AKAP13: variants seen among roughly 807,000 people sequenced by gnomAD.
AKAP13 encodes the protein A-kinase anchoring protein 13.
AKAP13 carries 80 observed loss-of-function variants against 264.5 expected under a neutral mutation model. The observed-to-expected ratio is 0.30, with a 90% CI of 0.25 to 0.36. The LOEUF (loss-of-function observed/expected upper bound fraction) is 0.36. Among genes scored for constraint, AKAP13 ranks in the 10% least tolerant of loss-of-function variants. The pLI is 1.00. For missense variants in AKAP13, 3,712 were observed against 3,435.2 expected, an observed-to-expected ratio of 1.08 and a Z score of -2.01; for synonymous variants, 1,380 against 1,250.2, an observed-to-expected ratio of 1.10 and a Z score of -2.19.
chr15:85,693,537 T>G, intron 17 of AKAP13, 86 bp downstream of exon 17: 6 of 1,564,478 alleles, frequency 3.8e-6, no homozygotes, highest in Non-Finnish European at 4.3e-6. Flanking sequence ...CCACTCATTA[T>G]CTGTTCCTCA....
intron 1 of AKAP13, among the ~76,000 whole-genome samples, chr15:85,473,600 C>G (rs528369665): frequency 1.8e-4 from 27 of 152,294 alleles, no homozygotes; most frequent in African/African-American, 6.0e-4. Context: ...TCAGACTGAT[C>G]TGAAAAACCA....
At chr15:85,433,810 G>A (rs892335776) in intron 1 of AKAP13, among the ~76,000 whole-genome samples, 3 of 152,042 alleles carry the variant, frequency 2.0e-5, no homozygotes, top group East Asian at 1.9e-4. Context: ...GCATGGTGGC[G>A]CGTGCCTGTA....
intron 1 of AKAP13, among the ~76,000 whole-genome samples, chr15:85,390,237 A>G (rs1349026486): frequency 6.6e-6 from 1 of 152,220 alleles, no homozygotes; most frequent in East Asian, 1.9e-4. Context: ...CGAGTGAACA[A>G]ACAATTGCAG....
chr15:85,415,644 C>G, intron 1 of AKAP13: 1 of 1,394,800 alleles, frequency 7.2e-7, no homozygotes, highest in South Asian at 1.2e-5. Flanking sequence ...AAAATTCCAT[C>G]ATCACTTTGG....
At chr15:85,571,245 G>A (rs944141836) in intron 5 of AKAP13, among the ~76,000 whole-genome samples, 2 of 147,854 alleles carry the variant, frequency 1.4e-5, no homozygotes, top group African/African-American at 5.0e-5. Context: ...ATATTTGTGC[G>A]TTTTACAGAC....
At chr15:85,604,406 G>T (rs985085427) in intron 8 of AKAP13, among the ~76,000 whole-genome samples, 2 of 151,414 alleles carry the variant, frequency 1.3e-5, no homozygotes, top group African/African-American at 4.9e-5. Flanking sequence ...TGTCTGTATA[G>T]AATTTGGATA....
At chr15:85,402,934 T>C (rs2071492771) in intron 1 of AKAP13, among the ~76,000 whole-genome samples, 1 of 152,252 alleles carries the variant, frequency 6.6e-6, no homozygotes, top group African/African-American at 2.4e-5. Flanking sequence ...GAGACGTTTT[T>C]AATAGCACCG....
At chr15:85,451,002 G>A (rs539480649) in intron 1 of AKAP13, among the ~76,000 whole-genome samples, 1 of 152,212 alleles carries the variant, frequency 6.6e-6, no homozygotes, top group East Asian at 1.9e-4. Context: ...CTCTTTGTAG[G>A]TCTCTAAGAA....
chr15:85,583,044 C>A (rs4842891), intron 7 of AKAP13: 627,342 of 985,134 alleles, frequency 0.64, 200,140 homozygotes, highest in Middle Eastern at 0.68. Context: ...AAACGGGAGT[C>A]GGACACGATC....
At chr15:85,526,140 A>G (rs1411159498) in intron 3 of AKAP13, among the ~76,000 whole-genome samples, 1 of 152,230 alleles carries the variant, frequency 6.6e-6, no homozygotes, top group Non-Finnish European at 1.5e-5. Flanking sequence ...TGTCATTAAA[A>G]AAGAATAATA....
At chr15:85,561,867 C>A (rs1647481910) in intron 5 of AKAP13, among the ~76,000 whole-genome samples, 1 of 152,158 alleles carries the variant, frequency 6.6e-6, no homozygotes, top group Non-Finnish European at 1.5e-5. Context: ...ACGCAATGAT[C>A]TAGAACTTGC....
chr15:85,475,333 C>T (rs1180929081), intron 1 of AKAP13, among the ~76,000 whole-genome samples: 1 of 152,156 alleles, frequency 6.6e-6, no homozygotes, highest in Non-Finnish European at 1.5e-5. Flanking sequence ...TTATGGTTCC[C>T]GTTTCCTTTG....
chr15:85,659,850 G>T lies in AKAP13; in HGVS notation c.4799+1260G>T, dbSNP rs142944935. Among the ~76,000 whole-genome samples, 622 of 152,214 alleles carry T rather than the reference G, an allele frequency of 4.1e-3. 2 individuals carry two copies. Among genetic ancestry groups the T allele is most frequent in the Non-Finnish European group, 7.1e-3 (484 of 68,010 alleles). On this transcript the variant is annotated intron_variant, in intron 12 of 36. Transcript: ENST00000394518. ...GAAACATTACAACAGGTATTATAAG[G>T]CAGGAGGAGGGACATTTGTTGTTTT...
chr15:85,502,890 TTAAG>T (rs1438240502), intron 2 of AKAP13, among the ~76,000 whole-genome samples: 2 of 152,232 alleles, frequency 1.3e-5, no homozygotes, highest in African/African-American at 2.4e-5. Flanking sequence ...TCACCTATTA[TTAAG>T]TAAAACCAAA....
At chr15:85,706,540 C>G (rs1279581759) in intron 17 of AKAP13, among the ~76,000 whole-genome samples, 1 of 152,184 alleles carries the variant, frequency 6.6e-6, no homozygotes, top group East Asian at 1.9e-4. Context: ...TACATACATG[C>G]AGAGCCAGGA....
intron 16 of AKAP13, among the ~76,000 whole-genome samples, chr15:85,688,622 T>G (rs1202182770): frequency 1.3e-5 from 2 of 152,218 alleles, no homozygotes. Flanking sequence ...TAAACAGTTC[T>G]TAAACATGTC....
chr15:85,563,831 G>T (rs1232065558), intron 5 of AKAP13, among the ~76,000 whole-genome samples: 3 of 152,112 alleles, frequency 2.0e-5, no homozygotes, highest in Non-Finnish European at 4.4e-5. Flanking sequence ...AACTTTCTTT[G>T]CTTTTTCACA....
At chr15:85,512,329 G>A (rs1263666084) in intron 2 of AKAP13, among the ~76,000 whole-genome samples, 1 of 152,128 alleles carries the variant, frequency 6.6e-6, no homozygotes, top group Non-Finnish European at 1.5e-5. Flanking sequence ...TGGGTTTACC[G>A]TGAGTGTAAG....
At chr15:85,722,519 C>G (rs1401155727) in intron 25 of AKAP13, among the ~76,000 whole-genome samples, 172 bp downstream of exon 25, 1 of 152,168 alleles carries the variant, frequency 6.6e-6, no homozygotes, top group East Asian at 1.9e-4. Flanking sequence ...TGTTACCAGA[C>G]TTAGGATAGA....
Sources: gnomAD v4.1 joint callset for allele counts (sites outside exome capture counted in the v4.1 genomes callset) on GRCh38, gnomAD v4.1.1 for gene constraint, MANE v1.5 for transcripts, NCBI Gene and HGNC (gene_info 2026-07-23, HGNC 2026-07-21) for gene names.